The following TENM2 variants were observed in gnomAD, a reference collection of about 807,000 sequenced individuals.
The protein encoded by TENM2 is teneurin transmembrane protein 2.
TENM2 carries 52 observed loss-of-function variants against 245.2 expected under a neutral mutation model. The ratio of observed to expected loss-of-function variants is 0.21; its 90% CI spans 0.17 to 0.27. The LOEUF is 0.27. Among genes scored for constraint, TENM2 ranks in the 10% least tolerant of loss-of-function variants. The pLI is 1.00. For missense variants in TENM2, 3,046 were observed against 3,666.8 expected (o/e 0.83, Z 4.37); for synonymous variants, 1,363 against 1,438.9 (o/e 0.95, Z 1.19).
the TENM2 span, among the ~76,000 whole-genome samples, chr5:167,009,263 C>G: frequency 1.8e-4 from 27 of 152,314 alleles, no homozygotes; most frequent in Non-Finnish European, 3.7e-4. Context: ...CTATTCCATT[C>G]TCTCCTGTTA....
rs142062893 is a variant in TENM2, at chr5:168,209,617, G to A, written c.3825-2117G>A. Reference sequence around the variant, plus strand: ...TTCCTCAAGGGGAAAATGTGGCACAGAGAGAGTTGGAATGAAAAAAGACAA... The same window carrying A: ...TTCCTCAAGGGGAAAATGTGGCACAAAGAGAGTTGGAATGAAAAAAGACAA... On this transcript the variant is annotated intron_variant, in intron 19 of 28. Transcript: ENST00000518659. Among the ~76,000 whole-genome samples, 79 of 152,332 alleles carry A rather than the reference G, an allele frequency of 5.2e-4. 1 individual carries two copies. The East Asian group carries it at 0.014, about 28-fold the overall frequency.
chr5:167,001,007 A>G, the TENM2 span, among the ~76,000 whole-genome samples: 3 of 152,146 alleles, frequency 2.0e-5, no homozygotes, highest in East Asian at 3.9e-4. Context: ...CATTTAGCCA[A>G]TGCATTGGCT....
intron 1 of TENM2, among the ~76,000 whole-genome samples, chr5:167,360,637 G>T (rs1461865967): frequency 1.3e-5 from 2 of 152,140 alleles, no homozygotes; most frequent in African/African-American, 4.8e-5. Flanking sequence ...TACTGGTTCT[G>T]CTGCTGTTTC....
At chr5:168,178,499 C>G (rs776198860) in intron 13 of TENM2, among the ~76,000 whole-genome samples, 8 of 152,130 alleles carry the variant, frequency 5.3e-5, no homozygotes, top group Non-Finnish European at 1.2e-4. Context: ...GTATAAAAAA[C>G]GTGGCTCTAG....
intron 3 of TENM2, among the ~76,000 whole-genome samples, chr5:167,879,872 G>A (rs945436252): frequency 1.3e-5 from 2 of 152,072 alleles, no homozygotes; most frequent in Non-Finnish European, 2.9e-5. Context: ...AAAGAGCAAT[G>A]CCTTAGTTAA....
At chr5:167,916,515 C>T (rs544480101) in intron 3 of TENM2, among the ~76,000 whole-genome samples, 1 of 152,142 alleles carries the variant, frequency 6.6e-6, no homozygotes, top group South Asian at 2.1e-4. Flanking sequence ...GTTTCCAGAG[C>T]CAATTTCCTG....
intron 7 of TENM2, among the ~76,000 whole-genome samples, chr5:168,072,815 A>G (rs1791137803): frequency 6.6e-6 from 1 of 152,188 alleles, no homozygotes; most frequent in African/African-American, 2.4e-5. Context: ...ACTGGCCTAC[A>G]ACACTTATAG....
intron 25 of TENM2, among the ~76,000 whole-genome samples, chr5:168,231,746 C>G (rs1764929636): frequency 6.6e-6 from 1 of 151,642 alleles, no homozygotes; most frequent in Non-Finnish European, 1.5e-5. Flanking sequence ...TATAGCAAAA[C>G]CCTGTCTCTA....
the TENM2 span, among the ~76,000 whole-genome samples, chr5:167,233,193 G>A: frequency 1.3e-5 from 2 of 152,180 alleles, no homozygotes; most frequent in African/African-American, 4.8e-5. Context: ...TGCTGTTTGT[G>A]TAGGAATTAG....
the TENM2 span, among the ~76,000 whole-genome samples, chr5:167,072,803 G>T: frequency 6.1e-3 from 936 of 152,232 alleles, 8 homozygotes; most frequent in African/African-American, 0.021. Flanking sequence ...GCTTAAGTTG[G>T]ATGGATGAGC....
At chr5:167,899,751 A>G (rs1459088438) in intron 3 of TENM2, among the ~76,000 whole-genome samples, 1 of 152,202 alleles carries the variant, frequency 6.6e-6, no homozygotes, top group African/African-American at 2.4e-5. Context: ...TGGTTGTTCC[A>G]GACAGAGTTC....
At chr5:167,484,856 T>C (rs992186543) in intron 2 of TENM2, among the ~76,000 whole-genome samples, 4 of 152,172 alleles carry the variant, frequency 2.6e-5, no homozygotes, top group Admixed American at 6.5e-5. Flanking sequence ...ATGCTTAAGA[T>C]GGGAGATAGG....
chr5:167,193,041 A>G, the TENM2 span, among the ~76,000 whole-genome samples: 72 of 152,062 alleles, frequency 4.7e-4, 1 homozygote, highest in Non-Finnish European at 7.9e-4. Context: ...CATTGCTACC[A>G]CAGTATGGAA....
chr5:167,432,500 A>G (rs1764309035), intron 2 of TENM2, among the ~76,000 whole-genome samples: 1 of 151,826 alleles, frequency 6.6e-6, no homozygotes, highest in Non-Finnish European at 1.5e-5. Flanking sequence ...CTTTGAAGAA[A>G]TCTTGCAAGC....
At chr5:167,791,479 T>A (rs368153586) in intron 2 of TENM2, among the ~76,000 whole-genome samples, 2 of 123,748 alleles carry the variant, frequency 1.6e-5, no homozygotes, top group South Asian at 2.5e-4. Context: ...TATAATTTAT[T>A]ATATATATAA....
intron 5 of TENM2, among the ~76,000 whole-genome samples, chr5:168,016,551 A>T (rs1325874883): frequency 2.0e-5 from 3 of 152,220 alleles, no homozygotes; most frequent in African/African-American, 7.2e-5. Flanking sequence ...TCAAAGTCAG[A>T]CCTGCCGAAT....
the TENM2 span, among the ~76,000 whole-genome samples, chr5:167,229,580 C>T: frequency 1.5e-4 from 23 of 152,148 alleles, no homozygotes; most frequent in Non-Finnish European, 3.4e-4. Context: ...CAAGTGGGTG[C>T]CAGCTCTGAT....
At chr5:167,233,160 A>C in the TENM2 span, among the ~76,000 whole-genome samples, 1 of 152,148 alleles carries the variant, frequency 6.6e-6, no homozygotes, top group Non-Finnish European at 1.5e-5. Context: ...CTGATAGAGG[A>C]AGTGGAATGC....
At chr5:167,607,651 C>T (rs1001247146) in intron 2 of TENM2, among the ~76,000 whole-genome samples, 9 of 152,152 alleles carry the variant, frequency 5.9e-5, no homozygotes, top group African/African-American at 1.4e-4. Flanking sequence ...CAATTTCTGG[C>T]GTGGATCCTT....
Sources: gnomAD v4.1 joint callset for allele counts (sites outside exome capture counted in the v4.1 genomes callset) on GRCh38, gnomAD v4.1.1 for gene constraint, MANE v1.5 for transcripts, NCBI Gene and HGNC (gene_info 2026-07-23, HGNC 2026-07-21) for gene names.